C1QTNF9: variants seen among roughly 807,000 people sequenced by gnomAD.
The protein encoded by C1QTNF9 is C1q and TNF related 9, also known as complement C1q and tumor necrosis factor-related protein 9A.
Under a neutral mutation model 10.1 loss-of-function variants are expected in C1QTNF9, and 6 were observed. That is an observed-to-expected ratio of 0.59 (90% CI 0.32 to 1.17). The LOEUF is 1.17. Among genes scored for constraint, C1QTNF9 ranks in the 50% most tolerant of loss-of-function variants. The pLI, the probability that C1QTNF9 is intolerant of heterozygous loss-of-function variation, is 0.04. For missense variants in C1QTNF9, 201 were observed against 418.8 expected, an observed-to-expected ratio of 0.48 and a Z score of 4.54; for synonymous variants, 98 against 163.5, an observed-to-expected ratio of 0.60 and a Z score of 3.06.
At chr13:24,319,937 A>G (rs1357887338) in intron 3 of C1QTNF9, among the ~76,000 whole-genome samples, 4 of 152,200 alleles carry the variant, frequency 2.6e-5, no homozygotes, top group Admixed American at 2.6e-4. Context: ...TCCTGTGTGC[A>G]TATGGGGACA....
chr13:24,318,639 C>T (rs915359478), intron 2 of C1QTNF9, among the ~76,000 whole-genome samples, 179 bp from the exon 3 acceptor site: 6 of 152,370 alleles, frequency 3.9e-5, no homozygotes, highest in African/African-American at 1.4e-4. Context: ...CGCAGCTCAG[C>T]ACCCCAGATG....
At chr13:24,320,361 TGTAATTGGA>T (rs1878205271) in intron 3 of C1QTNF9, among the ~76,000 whole-genome samples, 1 of 152,190 alleles carries the variant, frequency 6.6e-6, no homozygotes, top group Non-Finnish European at 1.5e-5. Context: ...CACACACGTG[TGTAATTGGA>T]GTAATTGATT....
upstream of C1QTNF9, among the ~76,000 whole-genome samples, chr13:24,308,546 G>C (rs1406611728): frequency 1.3e-5 from 2 of 152,264 alleles, no homozygotes; most frequent in Non-Finnish European, 2.9e-5. Flanking sequence ...CCGCTGCACT[G>C]ACGGGGAAAT....
At chr13:24,321,710 T>G (rs199854267) in exon 4 of C1QTNF9, 1 of 1,610,328 alleles carries the variant, frequency 6.2e-7, no homozygotes. Context: ...AATGGCTTGT[T>G]TGCTGATGAG....
At chr13:24,313,469 G>A (rs184561500) in intron 1 of C1QTNF9, among the ~76,000 whole-genome samples, 1 of 152,174 alleles carries the variant, frequency 6.6e-6, no homozygotes, top group Non-Finnish European at 1.5e-5. Context: ...ATGGAATTTC[G>A]ATTTGACTGC....
intron 2 of C1QTNF9, among the ~76,000 whole-genome samples, chr13:24,316,665 A>T (rs1186623148): frequency 6.6e-6 from 1 of 152,186 alleles, no homozygotes; most frequent in African/African-American, 2.4e-5. Context: ...ACAAAAGGAG[A>T]CGAGAATCTG....
intron 1 of C1QTNF9, among the ~76,000 whole-genome samples, chr13:24,312,732 G>A (rs1340780536): frequency 1.6e-4 from 24 of 151,934 alleles, no homozygotes; most frequent in East Asian, 1.9e-4. Flanking sequence ...CGAGGTGGGC[G>A]AATCACAAGG....
intron 1 of C1QTNF9, among the ~76,000 whole-genome samples, chr13:24,313,296 C>A (rs9551092): frequency 1.3e-5 from 2 of 152,056 alleles, no homozygotes; most frequent in African/African-American, 4.8e-5. Context: ...GAAGAGTAAC[C>A]ATTTGCTTCC....
chr13:24,321,737 T>G (rs770259343), exon 4 of C1QTNF9: 1 of 1,593,894 alleles, frequency 6.3e-7, no homozygotes, highest in South Asian at 1.1e-5. Context: ...GACACAACTT[T>G]CACAGGGTTC....
intron 2 of C1QTNF9, among the ~76,000 whole-genome samples, chr13:24,317,683 CAT>C (rs1420381789): frequency 2.0e-5 from 3 of 151,932 alleles, no homozygotes; most frequent in African/African-American, 7.3e-5. Flanking sequence ...AATGTAGAAA[CAT>C]ATAAATATCT....
upstream of C1QTNF9, among the ~76,000 whole-genome samples, chr13:24,308,053 C>T (rs1252865195): frequency 6.6e-6 from 1 of 152,232 alleles, no homozygotes; most frequent in Admixed American, 6.5e-5. Flanking sequence ...GGCCGCAGGG[C>T]AGGTTCTGGA....
chr13:24,314,999 T>C (rs1326388790), intron 1 of C1QTNF9, among the ~76,000 whole-genome samples: 1 of 152,050 alleles, frequency 6.6e-6, no homozygotes. Flanking sequence ...TGGAATGCTT[T>C]ACTTTTTTAA....
chr13:24,317,254 A>AGTGTGTGTGTGTGT (rs10663026), intron 2 of C1QTNF9, among the ~76,000 whole-genome samples: 1 of 125,876 alleles, frequency 7.9e-6, no homozygotes, highest in African/African-American at 2.9e-5. Context: ...GGACCACAGT[A>AGTGTGTGTGTGTGT]GTGTGTGTGT....
At chr13:24,320,714 TC>T in intron 3 of C1QTNF9, among the ~76,000 whole-genome samples, 2 of 151,914 alleles carry the variant, frequency 1.3e-5, no homozygotes, top group South Asian at 2.1e-4. Context: ...TTCTTATTTT[TC>T]TTTTTCTTTT....
chr13:24,321,717 T>C, exon 4 of C1QTNF9: 1 of 1,607,214 alleles, frequency 6.2e-7, no homozygotes, highest in Non-Finnish European at 8.5e-7. Flanking sequence ...TGTTTGCTGA[T>C]GAGGACGATG....
chr13:24,316,593 G>T (rs1878047613), intron 2 of C1QTNF9, among the ~76,000 whole-genome samples: 1 of 152,266 alleles, frequency 6.6e-6, no homozygotes, highest in African/African-American at 2.4e-5. Context: ...CCCAGCTGCA[G>T]TGCAGGTGAG....
At chr13:24,307,607 G>T (rs1442432400), upstream of C1QTNF9, among the ~76,000 whole-genome samples, 1 of 152,244 alleles carries the variant, frequency 6.6e-6, no homozygotes, top group Non-Finnish European at 1.5e-5. Flanking sequence ...ATATCCACCT[G>T]CTTCCCAAAG....
intron 1 of C1QTNF9, among the ~76,000 whole-genome samples, chr13:24,312,679 G>A (rs770727764): frequency 2.0e-5 from 3 of 152,148 alleles, no homozygotes; most frequent in South Asian, 2.1e-4. Flanking sequence ...CCAAGCGGCC[G>A]TGTGCAGTGA....
exon 4 of C1QTNF9, chr13:24,322,283 T>C (rs1565959054): frequency 6.5e-6 from 1 of 153,056 alleles, no homozygotes; most frequent in South Asian, 2.1e-4. Flanking sequence ...GCATGTTTGT[T>C]ACATAGGTAA....
Sources: gnomAD v4.1 joint callset for allele counts (sites outside exome capture counted in the v4.1 genomes callset) on GRCh38, gnomAD v4.1.1 for gene constraint, MANE v1.5 for transcripts, NCBI Gene and HGNC (gene_info 2026-07-23, HGNC 2026-07-21) for gene names.